The following IDE variants were observed in gnomAD, a reference collection of about 807,000 sequenced individuals.
IDE encodes insulin-degrading enzyme.
IDE carries 58 observed loss-of-function variants against 133.2 expected under a neutral mutation model. The ratio of observed to expected loss-of-function variants is 0.44; its 90% CI spans 0.35 to 0.54. The LOEUF (loss-of-function observed/expected upper bound fraction) is 0.54. Ranked by LOEUF, IDE falls within the 20% of genes least tolerant of loss-of-function variation. The pLI is 0.00. For synonymous variants in IDE, 396 were observed against 421.3 expected (o/e 0.94, Z 0.73); for missense variants, 981 against 1,234.0 (o/e 0.79, Z 3.07).
At chr10:92,509,976 C>T in intron 6 of IDE, 74 bp downstream of exon 6, 1 of 628,664 alleles carries the variant, frequency 1.6e-6, no homozygotes, top group Non-Finnish European at 2.7e-6. Flanking sequence ...AAATTTTCAC[C>T]TGTTCTATGG....
At chr10:92,538,789 A>C (rs1055896402) in intron 1 of IDE, among the ~76,000 whole-genome samples, 2 of 152,246 alleles carry the variant, frequency 1.3e-5, no homozygotes, top group Middle Eastern at 3.4e-3. Flanking sequence ...AAAAAAAAAA[A>C]AAAACTGAAA....
chr10:92,541,006 T>C (rs1174692424), intron 1 of IDE, among the ~76,000 whole-genome samples: 1 of 152,216 alleles, frequency 6.6e-6, no homozygotes, highest in Non-Finnish European at 1.5e-5. Context: ...GCTGAAGTTG[T>C]GCTGGATTAA....
At chr10:92,475,056 G>T in intron 16 of IDE, 95 bp from the exon 17 acceptor site, 1 of 877,672 alleles carries the variant, frequency 1.1e-6, no homozygotes, top group Non-Finnish European at 1.7e-6. Flanking sequence ...TCTATAAACT[G>T]TATTACTAGG....
chr10:92,557,517 A>G (rs1270005161), intron 1 of IDE, among the ~76,000 whole-genome samples: 1 of 151,758 alleles, frequency 6.6e-6, no homozygotes, highest in Non-Finnish European at 1.5e-5. Context: ...GCCTGGGAGA[A>G]AGACTCCATC....
chr10:92,515,116 A>T, intron 4 of IDE, 74 bp from the exon 5 acceptor site: 1 of 1,171,710 alleles, frequency 8.5e-7, no homozygotes, highest in South Asian at 1.4e-5. Context: ...ATTATCACTG[A>T]TATTGCTTAA....
chr10:92,530,374 A>G (rs1248648629), intron 4 of IDE, among the ~76,000 whole-genome samples: 2 of 151,776 alleles, frequency 1.3e-5, no homozygotes, highest in Non-Finnish European at 2.9e-5. Context: ...GGCTCACTGC[A>G]GTTGAACTCA....
In IDE at chr10:92,454,403, A is replaced by C; in HGVS notation, c.*41T>G. ...GATTTTCTTAGGCTCTGGAAGACTC[A>C]GGAATGCATCCACTTGCACTTTCCC... On this transcript the variant is annotated 3_prime_UTR_variant, in exon 25 of 25. Coordinates refer to ENST00000265986, the MANE Select transcript of IDE (RefSeq NM_004969.4). 2 of 1,307,902 alleles carry C rather than the reference A, an allele frequency of 1.5e-6. No homozygotes were observed. The highest frequency in any genetic ancestry group is 2.2e-6 in the Non-Finnish European group (2 of 900,310). The allele number at this position is 1,307,902 out of a possible 1,614,324, so 81.0% of individuals were successfully genotyped here. A position where few individuals can be genotyped will look rare whatever the true frequency, so the allele number is the denominator to read the frequency against.
At chr10:92,486,965 A>G (rs1436969083) in intron 13 of IDE, among the ~76,000 whole-genome samples, 3 of 151,974 alleles carry the variant, frequency 2.0e-5, no homozygotes, top group Non-Finnish European at 2.9e-5. Flanking sequence ...TTTTTCTCCT[A>G]CAAAGAAAGT....
intron 17 of IDE, among the ~76,000 whole-genome samples, chr10:92,472,717 C>A (rs915980480): frequency 7.0e-6 from 1 of 143,040 alleles, no homozygotes; most frequent in Non-Finnish European, 1.5e-5. Flanking sequence ...CGGCTCACTG[C>A]AACCTCTGCC....
chr10:92,461,648 G>A (rs1027034224), intron 21 of IDE, among the ~76,000 whole-genome samples: 3 of 151,832 alleles, frequency 2.0e-5, no homozygotes, highest in Admixed American at 6.6e-5. Context: ...GAGCCATCGC[G>A]TCTGGCCAAG....
intron 22 of IDE, among the ~76,000 whole-genome samples, chr10:92,460,987 T>C (rs912439367): frequency 2.4e-4 from 37 of 152,134 alleles, no homozygotes; most frequent in African/African-American, 7.9e-4. Flanking sequence ...ATTACAGGCG[T>C]ATGCCACTAC....
At chr10:92,509,938 A>AC (rs1383078910) in intron 6 of IDE, 112 bp downstream of exon 6, 3 of 566,106 alleles carry the variant, frequency 5.3e-6, no homozygotes, top group South Asian at 2.4e-5. Context: ...AAAAAAAAAA[A>AC]ACACAACATA....
chr10:92,467,184 C>T (rs1845739506), intron 19 of IDE, among the ~76,000 whole-genome samples: 2 of 151,926 alleles, frequency 1.3e-5, no homozygotes, highest in Non-Finnish European at 2.9e-5. Context: ...AAGCGATCAT[C>T]CCACCTCAGC....
At chr10:92,546,020 G>A (rs757317879) in intron 1 of IDE, among the ~76,000 whole-genome samples, 1 of 152,164 alleles carries the variant, frequency 6.6e-6, no homozygotes. Context: ...ACAATCAACA[G>A]TGAAATGATA....
At chr10:92,484,503 C>T (rs945588020) in intron 13 of IDE, among the ~76,000 whole-genome samples, 2 of 152,026 alleles carry the variant, frequency 1.3e-5, no homozygotes, top group Non-Finnish European at 2.9e-5. Context: ...GAGGCCAAGG[C>T]AGGCAGATGA....
intron 1 of IDE, among the ~76,000 whole-genome samples, chr10:92,548,795 A>T (rs1407057943): frequency 6.6e-6 from 1 of 152,202 alleles, no homozygotes; most frequent in African/African-American, 2.4e-5. Flanking sequence ...TAGATGAGCC[A>T]GTGTTTATAG....
intron 1 of IDE, among the ~76,000 whole-genome samples, chr10:92,562,163 T>C (rs1843313480): frequency 6.6e-6 from 1 of 152,190 alleles, no homozygotes; most frequent in Non-Finnish European, 1.5e-5. Context: ...TTTCTAAGTG[T>C]TGATTCCCAT....
At chr10:92,478,627 G>T in intron 15 of IDE, 1 of 1,164,676 alleles carries the variant, frequency 8.6e-7, no homozygotes, top group Admixed American at 3.3e-5. Context: ...CCTTTTCTTT[G>T]GTTTTCATTT....
chr10:92,552,043 T>C (rs1277583337), intron 1 of IDE, among the ~76,000 whole-genome samples: 1 of 151,850 alleles, frequency 6.6e-6, no homozygotes, highest in Non-Finnish European at 1.5e-5. Context: ...AAACCAACCA[T>C]GATGGGGGGG....
Sources: allele counts gnomAD v4.1 joint callset (sites outside exome capture counted in the v4.1 genomes callset), GRCh38; gene constraint gnomAD v4.1.1; transcripts MANE v1.5; gene names NCBI Gene and HGNC (gene_info 2026-07-23, HGNC 2026-07-21).